Variants in NEB observed in about 807,000 individuals in gnomAD.
NEB encodes the protein nemaline myopathy type 2.
NEB carries 512 observed loss-of-function variants against 952.2 expected under a neutral mutation model. That is an observed-to-expected ratio of 0.54 (90% CI 0.50 to 0.58). NEB has a LOEUF of 0.58. Among genes scored for constraint, NEB ranks in the 20% least tolerant of loss-of-function variants. The pLI is 0.00. For synonymous variants in NEB, 2,900 were observed against 3,149.8 expected (o/e 0.92, Z 2.66); for missense variants, 8,428 against 9,231.1 (o/e 0.91, Z 3.56).
rs774168278 is a variant in NEB, at chr2:151,653,946, G to A, written c.6915+46C>T. On this transcript the variant is annotated intron_variant, in intron 52 of 181. Transcript: ENST00000397345. ...AATAGTTACCGACATTAAGTCACCT[G>A]ATTCAGATAAAAATATAGCCTTATA... 1.7e-5 allele frequency: 22 copies of A among 1,274,288 alleles called. No individual in the cohort carries two copies. The East Asian group carries it at 4.7e-4, about 27-fold the overall frequency. 78.9% of individuals were successfully genotyped at this position (1,274,288 alleles called of 1,614,324 possible).
chr2:151,643,515 T>C (rs969813034), intron 57 of NEB, among the ~76,000 whole-genome samples, 162 bp from the exon 58 acceptor site: 4 of 152,230 alleles, frequency 2.6e-5, no homozygotes, highest in Admixed American at 6.5e-5. Context: ...GTATGAATTA[T>C]AAATCAACAA....
Position 151,610,697 on chromosome 2 carries a change from T to A in NEB, c.11910+65A>T. On this transcript the variant is annotated intron_variant, in intron 79 of 181. Coordinates refer to ENST00000397345, the MANE Select transcript of NEB (RefSeq NM_001164508.2). ...TAATAGGCCAATTCCAGAAAGGAAA[T>A]TGTTACGGTGGAAAAAGCATTTTAA... The A allele has an allele frequency of 1.9e-6, 3 of 1,578,932 alleles. No homozygotes were observed. In the South Asian group the frequency reaches 3.3e-5, roughly 17 times the overall value.
Position 151,565,611 on chromosome 2 carries a change from A to G in NEB, c.18262-6T>C, listed in dbSNP as rs1209057790. On this transcript the variant is annotated splice_polypyrimidine_tract_variant and splice_region_variant and intron_variant, in intron 115 of 181. Coordinates refer to ENST00000397345, the MANE Select transcript of NEB (RefSeq NM_001164508.2). ...GCATTTTTCTTATATTTGATCTGTA[A>G]AGAAACGGAGACAATTAAGACAGGT... 10 of 1,581,378 alleles carry G rather than the reference A, an allele frequency of 6.3e-6. No individual in the cohort carries two copies. In the South Asian group the frequency reaches 6.8e-5, roughly 11 times the overall value.
chr2:151,631,423 A>G (rs556678490), intron 65 of NEB, 77 bp from the exon 66 acceptor site: 1 of 1,432,148 alleles, frequency 7.0e-7, no homozygotes, highest in African/African-American at 1.4e-5. Flanking sequence ...AGAATCAGTA[A>G]TAAAGTGCAA....
chr2:151,560,957 G>A (rs750607570), intron 123 of NEB, 47 bp downstream of exon 123: 1 of 1,168,260 alleles, frequency 8.6e-7, no homozygotes, highest in Non-Finnish European at 1.2e-6. Context: ...TGTCCCAGAA[G>A]GGGGAAAGGT....
At chr2:151,525,118 A>G in intron 151 of NEB, 45 bp downstream of exon 151, 1 of 1,356,570 alleles carries the variant, frequency 7.4e-7, no homozygotes, top group South Asian at 1.2e-5. Flanking sequence ...TCTGGGTTCC[A>G]CTGCTTCAAA....
At chr2:151,513,433 T>A (rs1428403361) in intron 160 of NEB, 147 bp downstream of exon 160, 2 of 632,086 alleles carry the variant, frequency 3.2e-6, no homozygotes, top group Admixed American at 5.8e-5. Context: ...CATCCTTTCA[T>A]TGGGATGGCT....
intron 37 of NEB, 81 bp from the exon 38 acceptor site, chr2:151,671,310 G>A (rs1280947841): frequency 8.5e-7 from 1 of 1,183,336 alleles, no homozygotes; most frequent in Non-Finnish European, 1.2e-6. Context: ...TTCTATCCAA[G>A]GGAAATGAAT....
intron 174 of NEB, 52 bp from the exon 175 acceptor site, chr2:151,493,919 T>C: frequency 8.1e-7 from 1 of 1,227,394 alleles, no homozygotes; most frequent in Non-Finnish European, 1.1e-6. Flanking sequence ...ATAATCACTA[T>C]TAATTATATT....
rs1473693561 is a variant in NEB, at chr2:151,516,573, G to A, written c.22801-10C>T. 1 of 1,558,916 alleles carries A rather than the reference G, an allele frequency of 6.4e-7. No homozygotes were observed. The highest frequency in any genetic ancestry group is 1.7e-5 in the Admixed American group (1 of 58,776). ...TTTCTTTGTATTTCACCTGGTGATA[G>A]AAAGCCATGTTAGATATCTCTCCTC... On this transcript the variant is annotated splice_polypyrimidine_tract_variant and intron_variant, in intron 156 of 181. Coordinates refer to ENST00000397345, the MANE Select transcript of NEB (RefSeq NM_001164508.2).
intron 71 of NEB, 39 bp from the exon 72 acceptor site, chr2:151,621,065 C>T (rs972837937): frequency 4.7e-6 from 7 of 1,487,292 alleles, no homozygotes; most frequent in African/African-American, 2.8e-5. Flanking sequence ...ATAGAATTCA[C>T]ATTCACTCGA....
rs1423788008 is a variant in NEB at position 151,499,280 on chromosome 2, T to A, written c.24114+18A>T. ...ACATTTTTTTAAATAATTAAAGGGA[T>A]TTTTTATTTTTAAATACCGAACTAA... On this transcript the variant is annotated intron_variant, in intron 169 of 181. Coordinates refer to ENST00000397345, the MANE Select transcript of NEB (RefSeq NM_001164508.2). 2 of 1,284,720 alleles carry A rather than the reference T, an allele frequency of 1.6e-6. No individual in the cohort carries two copies. Among genetic ancestry groups the A allele is most frequent in the East Asian group, 5.2e-5 (2 of 38,714 alleles). 79.6% of individuals were successfully genotyped at this position (1,284,720 alleles called of 1,614,324 possible).
Position 151,664,837 on chromosome 2 carries a change from C to G in NEB, c.5265G>C (p.Lys1755Asn), listed in dbSNP as rs201968290. 2 of 1,612,500 alleles carry G rather than the reference C, an allele frequency of 1.2e-6. No individual in the cohort carries two copies. Among genetic ancestry groups the G allele is most frequent in the African/African-American group, 1.3e-5 (1 of 74,986 alleles). ...GCATGACATGAATGGTGGTCTTGTC[C>G]TTGTTCCATTTTTCAGTGTAGAGCC... ...DKRLYTEKWN[K>N]DKTTIHVMPD... The change falls in exon 43 of 182, where the codon AAG (lysine) becomes AAC (asparagine). Residue 1755 changes from lysine to asparagine, a missense_variant. Physicochemically the swap from Lys to Asn is moderately conservative, Grantham distance 94. Transcript: ENST00000397345.
At chr2:151,536,469 T>C (rs2093223936) in intron 141 of NEB, among the ~76,000 whole-genome samples, 1 of 152,210 alleles carries the variant, frequency 6.6e-6, no homozygotes. Context: ...TGAAGAGTTT[T>C]CCAGTAATTA....
intron 46 of NEB, 85 bp downstream of exon 46, chr2:151,662,050 T>C: frequency 8.2e-7 from 1 of 1,219,972 alleles, no homozygotes; most frequent in Non-Finnish European, 1.1e-6. Context: ...CCTATAACTG[T>C]ATTAGCAAAA....
chr2:151,551,060 T>C (rs891807165), intron 129 of NEB, among the ~76,000 whole-genome samples: 4 of 151,616 alleles, frequency 2.6e-5, no homozygotes, highest in African/African-American at 9.7e-5. Context: ...CTCCGCCCCC[T>C]GGGTTCAAAA....
rs2154102900 is a variant in NEB, at chr2:151,639,849, A to G, written c.8889+8T>C. 3 of 1,604,072 alleles carry G rather than the reference A, an allele frequency of 1.9e-6. No individual in the cohort carries two copies. The highest frequency in any genetic ancestry group is 3.3e-4 in the Middle Eastern group (2 of 6,022). On this transcript the variant is annotated splice_region_variant and intron_variant, in intron 62 of 181. Transcript: ENST00000397345. Reference sequence around the variant, plus strand: ...GCCCCACTTCGATTCTTAATTTTGAAGTCTCACCTTGTTCATAGTGATGGC... The same window carrying G: ...GCCCCACTTCGATTCTTAATTTTGAGGTCTCACCTTGTTCATAGTGATGGC...
chr2:151,569,773 G>A (rs768730958), intron 109 of NEB, among the ~76,000 whole-genome samples: 8 of 152,060 alleles, frequency 5.3e-5, no homozygotes, highest in Non-Finnish European at 5.9e-5. Flanking sequence ...TCCTGTCCAT[G>A]GGCTGCCAAT....
At chr2:151,504,881 G>A (rs1016403864) in intron 165 of NEB, among the ~76,000 whole-genome samples, 3 of 152,030 alleles carry the variant, frequency 2.0e-5, no homozygotes, top group Non-Finnish European at 4.4e-5. Context: ...CAGGCTTAAT[G>A]TATAATATAC....
Sources: allele counts gnomAD v4.1 joint callset (sites outside exome capture counted in the v4.1 genomes callset), GRCh38; gene constraint gnomAD v4.1.1; transcripts MANE v1.5; gene names NCBI Gene and HGNC (gene_info 2026-07-23, HGNC 2026-07-21).